HAUS3: variants seen among roughly 807,000 people sequenced by gnomAD.
The protein encoded by HAUS3 is HAUS augmin-like complex subunit 3.
HAUS3 carries 36 observed loss-of-function variants against 55.2 expected under a neutral mutation model. The observed-to-expected ratio is 0.65, with a 90% CI of 0.50 to 0.86. The LOEUF (loss-of-function observed/expected upper bound fraction) is 0.86. HAUS3 is among the 40% of genes least tolerant of loss of function. HAUS3 has a pLI of 0.00. For missense variants in HAUS3, 752 were observed against 671.5 expected, an observed-to-expected ratio of 1.12 and a Z score of -1.33; for synonymous variants, 234 against 238.6, an observed-to-expected ratio of 0.98 and a Z score of 0.18.
chr4:2,239,992 C>G (rs1734912016), intron 3 of HAUS3, 46 bp downstream of exon 3: 1 of 1,450,556 alleles, frequency 6.9e-7, no homozygotes, highest in Admixed American at 1.8e-5. Flanking sequence ...TCCTCTATTC[C>G]TAACAATAAT....
chr4:2,234,673 A>T (rs1297694265), intron 5 of HAUS3, among the ~76,000 whole-genome samples: 2 of 152,248 alleles, frequency 1.3e-5, no homozygotes, highest in East Asian at 3.8e-4. Context: ...ATTACTAAGC[A>T]AAAGAAAAAT....
intron 3 of HAUS3, 23 bp downstream of exon 3, chr4:2,240,015 C>T (rs1022157955): frequency 6.4e-7 from 1 of 1,572,412 alleles, no homozygotes; most frequent in African/African-American, 1.4e-5. Context: ...CAATGTGAAT[C>T]CAATCTCATT....
rs1284739366 is a variant in HAUS3 at position 2,231,810 on chromosome 4, T to C, written c.*117A>G. The C allele has an allele frequency of 1.6e-6, 1 of 607,312 alleles. No homozygotes were observed. Among genetic ancestry groups the C allele is most frequent in the African/African-American group, 2.0e-5 (1 of 51,082 alleles). The allele number at this position is 607,312 out of a possible 1,614,324, so 37.6% of individuals were successfully genotyped here. A position where few individuals can be genotyped will look rare whatever the true frequency, so the allele number is the denominator to read the frequency against. On this transcript the variant is annotated 3_prime_UTR_variant, in exon 6 of 6. Coordinates refer to ENST00000443786, the MANE Select transcript of HAUS3 (RefSeq NM_001303143.2). ...AGACAAATTAATATAATAGTTCAAT[T>C]CATCAAATTAAATGTTCCATTGACC...
In HAUS3 at chr4:2,236,364, T is replaced by A; in HGVS notation, c.1442A>T (p.Asn481Ile). The A allele has an allele frequency of 2.5e-6, 4 of 1,613,136 alleles. No homozygotes were observed. Among genetic ancestry groups the A allele is most frequent in the Non-Finnish European group, 3.4e-6 (4 of 1,179,142 alleles). ...LEEVAEKLKQ[N>I]ISLVQDQLAV... ...CAACTGATCTTGTACTAAAGAAATA[T>A]TCTGTTTCAATTTCTCAGCCACTTC... is the stretch of plus-strand genomic sequence containing the variant. The change falls in exon 5 of 6, where the codon AAT (asparagine) becomes ATT (isoleucine). Residue 481 changes from asparagine to isoleucine, a missense_variant. Physicochemically the swap from Asn to Ile is moderately radical, Grantham distance 149 (BLOSUM62 -3). Coordinates refer to ENST00000443786, the MANE Select transcript of HAUS3 (RefSeq NM_001303143.2).
rs1456802621 is a variant in HAUS3, at chr4:2,228,471, T to TG, written c.*3455dup. 1.4e-5 allele frequency: 3 copies of TG among 210,392 alleles called. No individual in the cohort carries two copies. The highest frequency in any genetic ancestry group is 4.8e-5 in the South Asian group (1 of 20,986). The allele number at this position is 210,392 out of a possible 1,614,324, so 13.0% of individuals were successfully genotyped here. On this transcript the variant is annotated 3_prime_UTR_variant, in exon 6 of 6. Coordinates refer to ENST00000443786, the MANE Select transcript of HAUS3 (RefSeq NM_001303143.2). Reference sequence around the variant, plus strand: ...CTCCTGCCTCAGCCTCCCAAGTAGCTGGACTACAGGCGCCTACCACCACTC... The same window carrying TG: ...CTCCTGCCTCAGCCTCCCAAGTAGCTGGGACTACAGGCGCCTACCACCACTC...
chr4:2,234,191 C>A (rs1734678003), intron 5 of HAUS3: 1 of 152,130 alleles, frequency 6.6e-6, no homozygotes, highest in Non-Finnish European at 1.5e-5. Flanking sequence ...ATGTTTATTT[C>A]ATCATGCTAA....
In HAUS3 at chr4:2,241,554, A is replaced by G. The variant is rs577597839; in HGVS notation, c.-182T>C. 7.1e-6 allele frequency: 7 copies of G among 985,846 alleles called. No individual in the cohort carries two copies. Among genetic ancestry groups the G allele is most frequent in the South Asian group, 9.4e-5 (2 of 21,300 alleles). 61.1% of individuals were successfully genotyped at this position (985,846 alleles called of 1,614,324 possible). A position where few individuals can be genotyped will look rare whatever the true frequency, so the allele number is the denominator to read the frequency against. ...TCGCCGGGCAAGGCTCCACCTCCAG[A>G]GTCCACCACCGCGACGCGGAGAACA... On this transcript the variant is annotated 5_prime_UTR_variant, in exon 2 of 6. Transcript: ENST00000443786.
rs537107279 is a variant in HAUS3, at chr4:2,240,525, T to C, written c.422A>G (p.Glu141Gly). 9.3e-6 allele frequency: 15 copies of C among 1,613,856 alleles called. No homozygotes were observed. In the African/African-American group the frequency reaches 1.2e-4, roughly 13 times the overall value. ...CTTCAGCTTTTTAGTGGCTTCTTCTTCTTTAGCATTTAACCTCAGAGATTT... is the reference window on the plus strand; with the variant it reads ...CTTCAGCTTTTTAGTGGCTTCTTCTCCTTTAGCATTTAACCTCAGAGATTT... ...SHKSLRLNAK[E>G]EEATKKLKQS... Residue 141 changes from glutamate (E) to glycine (G), a missense_variant, in exon 3 of 6, where the codon GAA becomes GGA. Coordinates refer to ENST00000443786, the MANE Select transcript of HAUS3 (RefSeq NM_001303143.2).
At position 2,238,920 on chromosome 4, in the gene HAUS3, GGGCATTC is replaced by G. The variant is rs1734866780; in HGVS notation, c.1026_1032del (p.Glu342AspfsTer4). 6.2e-7 allele frequency: 1 copy of G among 1,612,070 alleles called. No homozygotes were observed. ...TTTACCACTGGCATATTCAATAACT[GGGCATTC>G]TCTCTTACCACAGCAGGTAAACTTC... is the stretch of plus-strand genomic sequence containing the variant. On this transcript the variant is annotated frameshift_variant, in exon 4 of 6. Transcript: ENST00000443786. LOFTEE classifies it high-confidence loss of function.
At chr4:2,236,480 T>C (rs375351701) in intron 4 of HAUS3, 24 bp from the exon 5 acceptor site, 29 of 1,500,876 alleles carry the variant, frequency 1.9e-5, no homozygotes, top group Middle Eastern at 1.7e-4. Context: ...ATTAAAATTA[T>C]AGGGAAAAAT....
At chr4:2,237,519 G>A (rs1039178428) in intron 4 of HAUS3, among the ~76,000 whole-genome samples, 4 of 151,854 alleles carry the variant, frequency 2.6e-5, no homozygotes, top group African/African-American at 9.7e-5. Flanking sequence ...AGGAAGGAAA[G>A]GAAGGAGGGA....
intron 4 of HAUS3, among the ~76,000 whole-genome samples, chr4:2,237,728 A>C (rs1222267166): frequency 6.6e-6 from 1 of 152,218 alleles, no homozygotes; most frequent in African/African-American, 2.4e-5. Flanking sequence ...AAAATTGTAA[A>C]CCATGTAAAA....
rs970484482 is a variant in HAUS3 at position 2,231,655 on chromosome 4, T to C, written c.*272A>G. The stretch of plus-strand genomic sequence containing the variant: ...TCTAAAAAGGAGAGAGATAACTATA[T>C]TAAAAAATATTTGCATTATGTAATA... On this transcript the variant is annotated 3_prime_UTR_variant, in exon 6 of 6. Coordinates refer to ENST00000443786, the MANE Select transcript of HAUS3 (RefSeq NM_001303143.2). 4.6e-6 allele frequency: 1 copy of C among 215,452 alleles called. No individual in the cohort carries two copies. The highest frequency in any genetic ancestry group is 9.1e-6 in the Non-Finnish European group (1 of 109,414). The allele number at this position is 215,452 out of a possible 1,614,324, so 13.3% of individuals were successfully genotyped here. A position where few individuals can be genotyped will look rare whatever the true frequency, so the allele number is the denominator to read the frequency against.
At chr4:2,232,265 T>G (rs1734609318) in intron 5 of HAUS3, 105 bp from the exon 6 acceptor site, 1 of 526,288 alleles carries the variant, frequency 1.9e-6, no homozygotes, top group Non-Finnish European at 3.3e-6. Flanking sequence ...ACTTAATAAC[T>G]TCCCGCAATT....
At position 2,240,409 on chromosome 4, in the gene HAUS3, A is replaced by G; in HGVS notation, c.538T>C (p.Phe180Leu). 1 of 1,613,178 alleles carries G rather than the reference A, an allele frequency of 6.2e-7. No individual in the cohort carries two copies. Among genetic ancestry groups the G allele is most frequent in the Non-Finnish European group, 8.5e-7 (1 of 1,179,498 alleles). ...CCTTGACCTAAATTAGAATGTCTGA[A>G]GAACATCATCAATTGTGTAACTTCA... is the stretch of plus-strand genomic sequence containing the variant. ...TDEVTQLMMF[F>L]RHSNLGQGTN... The change falls in exon 3 of 6, where the codon TTC becomes CTC. Residue 180 changes from phenylalanine to leucine, a missense_variant. By Grantham distance (22) the Phe-to-Leu change is conservative (BLOSUM62 0). Transcript: ENST00000443786.
chr4:2,240,864 T>G lies in HAUS3; in HGVS notation c.83A>C (p.Asp28Ala). Residue 28 changes from aspartate to alanine, a missense_variant, in exon 3 of 6, where the codon GAC becomes GCC. Asp to Ala is a moderately radical substitution (Grantham distance 126). Transcript: ENST00000443786. ...KADNLNGEDF[D>A]WLFEGVEDES... The stretch of plus-strand genomic sequence containing the variant: ...ATCTTCAACGCCCTCAAACAACCAG[T>G]CAAAGTCTTCTCCATTAAGATTATC... 1 of 1,612,090 alleles carries G rather than the reference T, an allele frequency of 6.2e-7. No homozygotes were observed. The highest frequency in any genetic ancestry group is 1.3e-5 in the African/African-American group (1 of 74,996).
chr4:2,229,367 A>G lies in HAUS3; in HGVS notation c.*2560T>C. The G allele has an allele frequency of 2.5e-6, 2 of 813,998 alleles. No individual in the cohort carries two copies. The highest frequency in any genetic ancestry group is 3.6e-6 in the Non-Finnish European group (2 of 560,324). The allele number at this position is 813,998 out of a possible 1,614,324, so 50.4% of individuals were successfully genotyped here. A position where few individuals can be genotyped will look rare whatever the true frequency, so the allele number is the denominator to read the frequency against. On this transcript the variant is annotated 3_prime_UTR_variant, in exon 6 of 6. Coordinates refer to ENST00000443786, the MANE Select transcript of HAUS3 (RefSeq NM_001303143.2). The stretch of plus-strand genomic sequence containing the variant: ...ATTTAAAATGTCTATATTCATAACC[A>G]CAGAAAATAGGCATCAATCATCCAA...
chr4:2,232,162 T>G lies in HAUS3; in HGVS notation c.1579-2A>C. Reference sequence around the variant, plus strand: ...TTTATGAAACTGCTCTGTTAACTCCTAAAAAAGGAAAATAAAAATAAAAAT... The same window carrying G: ...TTTATGAAACTGCTCTGTTAACTCCGAAAAAAGGAAAATAAAAATAAAAAT... On this transcript the variant is annotated splice_acceptor_variant, in intron 5 of 5. Transcript: ENST00000443786. LOFTEE classifies it high-confidence loss of function. 1 of 1,364,340 alleles carries G rather than the reference T, an allele frequency of 7.3e-7. No individual in the cohort carries two copies. 84.5% of individuals were successfully genotyped at this position (1,364,340 alleles called of 1,614,324 possible).
Position 2,240,921 on chromosome 4 carries a change from T to G in HAUS3, c.26A>C (p.Glu9Ala). Reference protein sequence around the residue: MSCGNEFVETLKKIGYPKA... With the variant: MSCGNEFVATLKKIGYPKA... ...GGGATAACCAATTTTTTTTAATGTT[T>G]CCACAAACTCATTTCCACAACTCAT... Residue 9 changes from glutamate to alanine, a missense_variant, in exon 3 of 6, where the codon GAA (glutamate) becomes GCA (alanine). By Grantham distance (107) the Glu-to-Ala change is moderately radical (BLOSUM62 -1). Transcript: ENST00000443786. 6.3e-7 allele frequency: 1 copy of G among 1,598,978 alleles called. No homozygotes were observed. Among genetic ancestry groups the G allele is most frequent in the Non-Finnish European group, 8.5e-7 (1 of 1,178,786 alleles).
Sources: allele counts gnomAD v4.1 joint callset (sites outside exome capture counted in the v4.1 genomes callset), GRCh38; gene constraint gnomAD v4.1.1; transcripts MANE v1.5; gene names NCBI Gene and HGNC (gene_info 2026-07-23, HGNC 2026-07-21).